Variants in LRMDA observed in about 807,000 individuals in gnomAD.
LRMDA encodes the protein leucine rich melanocyte differentiation associated, also known as leucine-rich melanocyte differentiation-associated protein.
LRMDA carries 18 observed loss-of-function variants against 29.8 expected under a neutral mutation model. The observed-to-expected ratio is 0.60, with a 90% CI of 0.42 to 0.90. LRMDA has a LOEUF of 0.90. Ranked by LOEUF, LRMDA falls within the 40% of genes least tolerant of loss-of-function variation. The pLI, the probability that LRMDA is intolerant of heterozygous loss-of-function variation, is 0.00. For synonymous variants in LRMDA, 125 were observed against 109.4 expected, an observed-to-expected ratio of 1.14 and a Z score of -0.89; for missense variants, 273 against 273.9, an observed-to-expected ratio of 1.00 and a Z score of 0.02.
chr10:75,857,256 G>A (rs1316831587), intron 2 of LRMDA, among the ~76,000 whole-genome samples: 2 of 152,186 alleles, frequency 1.3e-5, no homozygotes, highest in African/African-American at 4.8e-5. Flanking sequence ...CTCAGAATAT[G>A]CCAAGAAACT....
At chr10:75,486,624 T>A (rs1844917108) in intron 2 of LRMDA, among the ~76,000 whole-genome samples, 1 of 151,874 alleles carries the variant, frequency 6.6e-6, no homozygotes, top group Admixed American at 6.6e-5. Flanking sequence ...GCTAGAGAAT[T>A]TGTAAAGGGG....
intron 2 of LRMDA, among the ~76,000 whole-genome samples, chr10:75,899,309 G>T (rs1845633276): frequency 6.6e-6 from 1 of 152,184 alleles, no homozygotes; most frequent in African/African-American, 2.4e-5. Flanking sequence ...AATAAGTCTA[G>T]CCATGAAGAA....
chr10:76,460,286 G>A (rs1432137577), intron 6 of LRMDA, among the ~76,000 whole-genome samples: 2 of 152,204 alleles, frequency 1.3e-5, no homozygotes, highest in African/African-American at 4.8e-5. Flanking sequence ...AGGATATGTG[G>A]AAACACACAT....
At chr10:75,854,893 G>A (rs1164353780) in intron 2 of LRMDA, among the ~76,000 whole-genome samples, 2 of 152,144 alleles carry the variant, frequency 1.3e-5, no homozygotes, top group African/African-American at 4.8e-5. Flanking sequence ...AAAAGGACAT[G>A]AACTCATCAT....
In LRMDA at chr10:76,462,075, A is replaced by ACC. The variant is rs201785857; in HGVS notation, c.602-95134_602-95133insCC. ...ACTCTGTCTCAAAAAAAAAAAAAAA[A>ACC]ACCACACACACACACACAAAAACAA... is the stretch of plus-strand genomic sequence containing the variant. On this transcript the variant is annotated intron_variant, in intron 6 of 6. Transcript: ENST00000611255. 2.7e-3 allele frequency among the ~76,000 whole-genome samples: 187 copies of ACC among 69,992 alleles called. 1 individual carries two copies. Among genetic ancestry groups the ACC allele is most frequent in the Non-Finnish European group, 6.0e-3 (142 of 23,530 alleles). The allele number at this position is 69,992 out of a possible 152,430, so 45.9% of individuals were successfully genotyped here. A position where few individuals can be genotyped will look rare whatever the true frequency, so the allele number is the denominator to read the frequency against.
chr10:75,972,500 C>G (rs1846993314), intron 2 of LRMDA, among the ~76,000 whole-genome samples: 1 of 152,068 alleles, frequency 6.6e-6, no homozygotes, highest in Non-Finnish European at 1.5e-5. Context: ...TACAAAAAAC[C>G]TCTCTCTGCA....
At chr10:75,923,467 C>T (rs1846060876) in intron 2 of LRMDA, among the ~76,000 whole-genome samples, 1 of 152,126 alleles carries the variant, frequency 6.6e-6, no homozygotes, top group African/African-American at 2.4e-5. Flanking sequence ...GAGAGGAACT[C>T]CATAGGAGAG....
chr10:76,301,892 T>C (rs1296434850), intron 5 of LRMDA, among the ~76,000 whole-genome samples: 1 of 152,228 alleles, frequency 6.6e-6, no homozygotes. Context: ...TTGTTCATGT[T>C]GTTGAGCATT....
intron 6 of LRMDA, among the ~76,000 whole-genome samples, chr10:76,372,448 A>T (rs1458570609): frequency 6.6e-6 from 1 of 151,932 alleles, no homozygotes; most frequent in African/African-American, 2.4e-5. Flanking sequence ...CCCCATCTCT[A>T]CTAAAAATAC....
Position 75,445,634 on chromosome 10 carries a change from A to G in LRMDA, c.131+7140A>G, listed in dbSNP as rs529912030. ...TTTTAATGAACTGTTCCAGCTTTTT[A>G]GTTTCCCATCTCCCCTGATTGGGGC... On this transcript the variant is annotated intron_variant, in intron 2 of 6. Coordinates refer to ENST00000611255, the MANE Select transcript of LRMDA (RefSeq NM_001305581.2). 8.5e-5 allele frequency among the ~76,000 whole-genome samples: 13 copies of G among 152,302 alleles called. No individual in the cohort carries two copies. The South Asian group carries it at 2.3e-3, about 27-fold the overall frequency.
chr10:76,010,881 C>T (rs924006459), intron 2 of LRMDA, among the ~76,000 whole-genome samples: 2 of 152,216 alleles, frequency 1.3e-5, no homozygotes, highest in African/African-American at 2.4e-5. Flanking sequence ...CCTGGCTGAA[C>T]GGAGATCCTG....
intron 2 of LRMDA, among the ~76,000 whole-genome samples, chr10:75,912,233 G>A (rs1845854632): frequency 6.6e-6 from 1 of 152,004 alleles, no homozygotes; most frequent in Middle Eastern, 3.2e-3. Context: ...CCCCAAAAAT[G>A]CTTTCACCTA....
chr10:75,854,306 C>T (rs1378967939), intron 2 of LRMDA, among the ~76,000 whole-genome samples: 1 of 152,084 alleles, frequency 6.6e-6, no homozygotes, highest in Admixed American at 6.6e-5. Context: ...GGGTGATATT[C>T]CCCTGTGTGG....
At chr10:75,779,822 A>AC (rs11395175) in intron 2 of LRMDA, among the ~76,000 whole-genome samples, 3,469 of 151,552 alleles carry the variant, frequency 0.023, 133 homozygotes, top group African/African-American at 0.079. Flanking sequence ...TTGAATAGTG[A>AC]CCCCCCCAGC....
intron 2 of LRMDA, among the ~76,000 whole-genome samples, chr10:75,616,459 G>A (rs1159850787): frequency 1.3e-5 from 2 of 152,176 alleles, no homozygotes; most frequent in African/African-American, 4.8e-5. Context: ...GTACATAATA[G>A]TACAGCTGCT....
intron 2 of LRMDA, among the ~76,000 whole-genome samples, chr10:75,636,585 A>G (rs528222774): frequency 3.9e-5 from 6 of 152,298 alleles, no homozygotes; most frequent in Admixed American, 2.6e-4. Flanking sequence ...ATAAAATAAG[A>G]AATAATAAAA....
intron 2 of LRMDA, among the ~76,000 whole-genome samples, chr10:75,701,070 A>G (rs1012126624): frequency 6.6e-6 from 1 of 152,204 alleles, no homozygotes; most frequent in African/African-American, 2.4e-5. Flanking sequence ...GAACTCCTGC[A>G]TTGAGTGTGA....
At chr10:76,062,554 G>C (rs1324923743) in intron 5 of LRMDA, among the ~76,000 whole-genome samples, 1 of 152,042 alleles carries the variant, frequency 6.6e-6, no homozygotes. Context: ...TTGTTTCAAA[G>C]CTGGCTTCTG....
At chr10:76,225,416 CAAA>C (rs1171468250) in intron 5 of LRMDA, among the ~76,000 whole-genome samples, 1 of 139,512 alleles carries the variant, frequency 7.2e-6, no homozygotes. Flanking sequence ...GACTCCGTCT[CAAA>C]AAAAAAAAGA....
Sources: gnomAD v4.1 joint callset for allele counts (sites outside exome capture counted in the v4.1 genomes callset) on GRCh38, gnomAD v4.1.1 for gene constraint, MANE v1.5 for transcripts, NCBI Gene and HGNC (gene_info 2026-07-23, HGNC 2026-07-21) for gene names.